SH3GL3: variants seen among roughly 807,000 people sequenced by gnomAD.
SH3GL3 encodes SH3 domain containing GRB2 like 3, endophilin A3, also known as endophilin-A3.
SH3GL3 carries 33 observed loss-of-function variants against 47.7 expected under a neutral mutation model. That is an observed-to-expected ratio of 0.69 (90% CI 0.52 to 0.92). SH3GL3 has a LOEUF of 0.92. Ranked by LOEUF, SH3GL3 falls within the 40% of genes least tolerant of loss-of-function variation. SH3GL3 has a pLI of 0.00. For synonymous variants in SH3GL3, 155 were observed against 148.8 expected (o/e 1.04, Z -0.30); for missense variants, 363 against 417.8 (o/e 0.87, Z 1.14).
chr15:83,565,197 C>A lies in SH3GL3; in HGVS notation c.178C>A (p.Pro60Thr), dbSNP rs2045476632. 1 of 1,560,050 alleles carries A rather than the reference C, an allele frequency of 6.4e-7. No individual in the cohort carries two copies. Among genetic ancestry groups the A allele is most frequent in the Non-Finnish European group, 8.8e-7 (1 of 1,133,544 alleles). Residue 60 changes from proline (P) to threonine (T), a missense_variant, in exon 3 of 9, where the codon CCA becomes ACA. Pro to Thr is a conservative substitution (Grantham distance 38). Transcript: ENST00000427482. ...TTCAAAAACCACTGAATATCTTCAG[C>A]CAAATCCAGGTAAAGTTGAAATATT... ...ILSKTTEYLQ[P>T]NPAYRAKLGM... is the part of the protein sequence containing the mutation.
intron 1 of SH3GL3, among the ~76,000 whole-genome samples, chr15:83,542,737 GTTTAC>G (rs756648775): frequency 1.4e-4 from 21 of 151,976 alleles, no homozygotes; most frequent in Non-Finnish European, 2.1e-4. Flanking sequence ...TTGTAAATGT[GTTTAC>G]TTTATTGATT....
In SH3GL3 at chr15:83,576,731, T is replaced by A; in HGVS notation, c.614T>A (p.Leu205Ter). The change falls in exon 6 of 9, where the codon TTA (leucine) becomes TAA (stop). Residue 205 changes from leucine to a stop codon, truncating the protein, a stop_gained. Coordinates refer to ENST00000427482, the MANE Select transcript of SH3GL3 (RefSeq NM_003027.5). LOFTEE classifies it high-confidence loss of function. Reference sequence around the variant, plus strand: ...GCTGAAAGAAGCATGTTTAACTTTTTAGAAAATGATGTAAGTATTTAAACC... The same window carrying A: ...GCTGAAAGAAGCATGTTTAACTTTTAAGAAAATGATGTAAGTATTTAAACC... The part of the protein sequence containing the change: ...ELAERSMFNF[L>*]ENDVEQVSQL... 6.3e-7 allele frequency: 1 copy of A among 1,599,838 alleles called. No homozygotes were observed. The highest frequency in any genetic ancestry group is 8.5e-7 in the Non-Finnish European group (1 of 1,172,602).
intron 3 of SH3GL3, chr15:83,565,810 C>T (rs2045507456): frequency 6.6e-6 from 1 of 152,138 alleles, no homozygotes; most frequent in Non-Finnish European, 1.5e-5. Context: ...CTAAAGCCAC[C>T]TTTCCTTTTT....
intron 1 of SH3GL3, among the ~76,000 whole-genome samples, chr15:83,515,526 G>T (rs117851752): frequency 0.017 from 2,604 of 149,568 alleles, 31 homozygotes; most frequent in Non-Finnish European, 0.028. Flanking sequence ...CCATGCAGGT[G>T]GGGGGGGAGG....
At chr15:83,524,984 T>G (rs2043354797) in intron 1 of SH3GL3, among the ~76,000 whole-genome samples, 1 of 152,202 alleles carries the variant, frequency 6.6e-6, no homozygotes, top group South Asian at 2.1e-4. Context: ...TGCATGTATC[T>G]CTTTGATATA....
Position 83,588,784 on chromosome 15 carries a change from T to C in SH3GL3, c.838+13T>C. 7.4e-7 allele frequency: 1 copy of C among 1,357,048 alleles called. No homozygotes were observed. The highest frequency in any genetic ancestry group is 2.3e-5 in the East Asian group (1 of 43,734). The allele number at this position is 1,357,048 out of a possible 1,614,324, so 84.1% of individuals were successfully genotyped here. A position where few individuals can be genotyped will look rare whatever the true frequency, so the allele number is the denominator to read the frequency against. On this transcript the variant is annotated intron_variant, in intron 8 of 8. Coordinates refer to ENST00000427482, the MANE Select transcript of SH3GL3 (RefSeq NM_003027.5). ...GTGAAGACGACAGGTAAGTTGACCA[T>C]TCTAATATGCTAAGTGTGCCTTTAG...
rs182601972 is a variant in SH3GL3, at chr15:83,519,077, T to C, written c.46-40176T>C. ...TGATGTTTTAGTTACTGTAGCCTTATAGTACTGTTTGAAGTCGGGTAATAT... is the reference window on the plus strand; with the variant it reads ...TGATGTTTTAGTTACTGTAGCCTTACAGTACTGTTTGAAGTCGGGTAATAT... On this transcript the variant is annotated intron_variant, in intron 1 of 8. Coordinates refer to ENST00000427482, the MANE Select transcript of SH3GL3 (RefSeq NM_003027.5). Among the ~76,000 whole-genome samples, 275 of 152,316 alleles carry C rather than the reference T, an allele frequency of 1.8e-3. 2 individuals are homozygous for C. Among genetic ancestry groups the C allele is most frequent in the Admixed American group, 0.016 (242 of 15,306 alleles).
chr15:83,624,146 TA>T, the SH3GL3 span, among the ~76,000 whole-genome samples: 1 of 152,212 alleles, frequency 6.6e-6, no homozygotes, highest in African/African-American at 2.4e-5. Flanking sequence ...GGGCACTGCT[TA>T]GCTTCAAATT....
At chr15:83,487,795 C>T (rs2041674606) in intron 1 of SH3GL3, among the ~76,000 whole-genome samples, 1 of 151,604 alleles carries the variant, frequency 6.6e-6, no homozygotes. Flanking sequence ...CCAGGAAGCT[C>T]TTTTTGGCTG....
chr15:83,466,950 T>A (rs1413333356), intron 1 of SH3GL3, among the ~76,000 whole-genome samples: 1 of 152,234 alleles, frequency 6.6e-6, no homozygotes, highest in Non-Finnish European at 1.5e-5. Flanking sequence ...ATATTAGTCC[T>A]CTGTTGGATA....
chr15:83,461,307 G>T (rs2040288291), intron 1 of SH3GL3, among the ~76,000 whole-genome samples: 2 of 152,066 alleles, frequency 1.3e-5, no homozygotes, highest in African/African-American at 4.8e-5. Flanking sequence ...AATGGATTAA[G>T]TACAAATTTC....
chr15:83,581,568 C>T (rs543434068), intron 6 of SH3GL3, among the ~76,000 whole-genome samples: 3 of 152,228 alleles, frequency 2.0e-5, no homozygotes, highest in South Asian at 2.1e-4. Flanking sequence ...TTGAGAAATC[C>T]GGAGCCCAGA....
At chr15:83,576,139 T>C (rs2059669582) in intron 5 of SH3GL3, among the ~76,000 whole-genome samples, 1 of 152,152 alleles carries the variant, frequency 6.6e-6, no homozygotes, top group Non-Finnish European at 1.5e-5. Flanking sequence ...TTCTAAGGGA[T>C]TGTAGAAGTT....
At chr15:83,605,883 A>C (rs952867867) in intron 8 of SH3GL3, among the ~76,000 whole-genome samples, 1 of 152,122 alleles carries the variant, frequency 6.6e-6, no homozygotes, top group Admixed American at 6.5e-5. Context: ...AGCTCCCAGA[A>C]AACCACTGAT....
intron 2 of SH3GL3, among the ~76,000 whole-genome samples, chr15:83,561,357 G>A (rs2045260541): frequency 7.0e-6 from 1 of 143,004 alleles, no homozygotes; most frequent in Non-Finnish European, 1.5e-5. Flanking sequence ...ATAATTCTTA[G>A]TTTAAAGAGG....
At chr15:83,535,608 C>G (rs1009299278) in intron 1 of SH3GL3, among the ~76,000 whole-genome samples, 7 of 152,202 alleles carry the variant, frequency 4.6e-5, no homozygotes, top group African/African-American at 1.7e-4. Flanking sequence ...GATCTGGGAA[C>G]ACGGGGTCCC....
At chr15:83,557,183 T>C (rs575423268) in intron 1 of SH3GL3, among the ~76,000 whole-genome samples, 1 of 152,272 alleles carries the variant, frequency 6.6e-6, no homozygotes, top group East Asian at 1.9e-4. Flanking sequence ...GAGGTGCCAC[T>C]CCCCACCCCA....
chr15:83,478,743 T>C (rs1293961376), intron 1 of SH3GL3, among the ~76,000 whole-genome samples: 1 of 152,174 alleles, frequency 6.6e-6, no homozygotes, highest in East Asian at 1.9e-4. Flanking sequence ...ACTCTCCTCT[T>C]CCGTATACTA....
chr15:83,621,653 A>C (rs763307011), downstream of SH3GL3, among the ~76,000 whole-genome samples: 8 of 152,254 alleles, frequency 5.3e-5, no homozygotes, highest in Non-Finnish European at 7.3e-5. Flanking sequence ...GCTGTTGAAA[A>C]AATAACGCCG....
Sources: allele counts gnomAD v4.1 joint callset (sites outside exome capture counted in the v4.1 genomes callset), GRCh38; gene constraint gnomAD v4.1.1; transcripts MANE v1.5; gene names NCBI Gene and HGNC (gene_info 2026-07-23, HGNC 2026-07-21).